Variants in LOC128092252 observed in about 807,000 individuals in gnomAD.
the LOC128092252 span, among the ~76,000 whole-genome samples, chr15:50,672,666 T>C: frequency 6.6e-6 from 1 of 151,790 alleles, no homozygotes; most frequent in African/African-American, 2.4e-5. Flanking sequence ...CCCCAGCACT[T>C]TGGGAGGCTG....
the LOC128092252 span, among the ~76,000 whole-genome samples, chr15:50,651,916 A>C: frequency 6.6e-6 from 1 of 151,932 alleles, no homozygotes. Flanking sequence ...AATAAATAAA[A>C]TAATAATTTT....
the LOC128092252 span, among the ~76,000 whole-genome samples, chr15:50,659,831 C>T: frequency 6.6e-6 from 1 of 152,074 alleles, no homozygotes; most frequent in Admixed American, 6.6e-5. Flanking sequence ...CCACGCCCAG[C>T]TAGTTTTTAT....
the LOC128092252 span, among the ~76,000 whole-genome samples, chr15:50,663,810 A>C: frequency 6.6e-6 from 1 of 152,082 alleles, no homozygotes; most frequent in South Asian, 2.1e-4. Context: ...CAAAAGCTAA[A>C]AAATTAGCCA....
the LOC128092252 span, among the ~76,000 whole-genome samples, chr15:50,673,347 T>G: frequency 6.6e-6 from 1 of 152,164 alleles, no homozygotes; most frequent in East Asian, 1.9e-4. Context: ...TGGTGACTTG[T>G]GAGATTTTGG....
the LOC128092252 span, among the ~76,000 whole-genome samples, chr15:50,678,318 G>A: frequency 6.7e-6 from 1 of 149,340 alleles, no homozygotes; most frequent in South Asian, 2.1e-4. Flanking sequence ...TGATAAATTT[G>A]TACATGGGTC....
At chr15:50,659,188 G>A in the LOC128092252 span, among the ~76,000 whole-genome samples, 15 of 141,752 alleles carry the variant, frequency 1.1e-4, no homozygotes, top group East Asian at 1.2e-3. Flanking sequence ...GCGAGACTCC[G>A]TCTCAAAAAA....
the LOC128092252 span, among the ~76,000 whole-genome samples, chr15:50,672,155 G>A: frequency 0.03 from 4,549 of 152,082 alleles, 247 homozygotes; most frequent in African/African-American, 0.1. Flanking sequence ...CCGGGTTCAC[G>A]CCATTCTCCT....
the LOC128092252 span, among the ~76,000 whole-genome samples, chr15:50,666,895 G>A: frequency 1.3e-5 from 2 of 152,114 alleles, no homozygotes; most frequent in Admixed American, 6.6e-5. Context: ...GAAAATAACA[G>A]GCTGTTCTGC....
the LOC128092252 span, among the ~76,000 whole-genome samples, chr15:50,651,317 A>C: frequency 1.7e-4 from 26 of 152,378 alleles, no homozygotes; most frequent in African/African-American, 6.3e-4. Flanking sequence ...AAAATGACAC[A>C]AAAACAAGTA....
the LOC128092252 span, among the ~76,000 whole-genome samples, chr15:50,661,917 C>T: frequency 1.3e-5 from 2 of 152,094 alleles, no homozygotes; most frequent in African/African-American, 4.8e-5. Flanking sequence ...ATCTTTAGGC[C>T]TCAGAAAAAA....
At chr15:50,677,909 T>G in the LOC128092252 span, among the ~76,000 whole-genome samples, 1 of 151,612 alleles carries the variant, frequency 6.6e-6, no homozygotes. Context: ...CTAATAAAGT[T>G]CATGTGCTCA....
the LOC128092252 span, among the ~76,000 whole-genome samples, chr15:50,675,071 G>A: frequency 3.3e-5 from 5 of 152,150 alleles, no homozygotes; most frequent in East Asian, 1.9e-4. Context: ...GGCTGGGCAC[G>A]GTGGCTCATG....
At chr15:50,670,293 C>A in the LOC128092252 span, among the ~76,000 whole-genome samples, 2 of 152,018 alleles carry the variant, frequency 1.3e-5, no homozygotes, top group African/African-American at 2.4e-5. Flanking sequence ...TGAATAGGGG[C>A]TGAGTAAAAT....
At chr15:50,682,251 A>G in the LOC128092252 span, among the ~76,000 whole-genome samples, 1 of 151,170 alleles carries the variant, frequency 6.6e-6, no homozygotes, top group Admixed American at 6.6e-5. Context: ...ACTTCAAAAA[A>G]CTGCTTACCT....
chr15:50,671,918 A>G, the LOC128092252 span, among the ~76,000 whole-genome samples: 18 of 152,324 alleles, frequency 1.2e-4, no homozygotes, highest in East Asian at 3.5e-3. Context: ...ACTGCCAGTT[A>G]CATAGAAGTA....
the LOC128092252 span, chr15:50,657,861 A>AACTTTCTG: frequency 6.5e-7 from 1 of 1,546,842 alleles, no homozygotes; most frequent in Non-Finnish European, 8.9e-7. Flanking sequence ...TCAGGTGAAA[A>AACTTTCTG]ACTTTCTGAT....
chr15:50,686,383 C>A, the LOC128092252 span: 50 of 1,357,634 alleles, frequency 3.7e-5, no homozygotes, highest in Non-Finnish European at 5.0e-5. Flanking sequence ...ACACCCGTCC[C>A]GAGAGGACAA....
the LOC128092252 span, among the ~76,000 whole-genome samples, chr15:50,655,491 G>A: frequency 4.0e-4 from 59 of 148,840 alleles, 1 homozygote; most frequent in South Asian, 0.012. Context: ...AAATTTGAAC[G>A]TGCAAATATT....
the LOC128092252 span, among the ~76,000 whole-genome samples, chr15:50,654,488 A>G: frequency 2.0e-5 from 3 of 151,242 alleles, no homozygotes; most frequent in Non-Finnish European, 4.4e-5. Context: ...AAGATGAAGG[A>G]AAAAAAGCAG....
Sources: gnomAD v4.1 joint callset for allele counts (sites outside exome capture counted in the v4.1 genomes callset) on GRCh38, gnomAD v4.1.1 for gene constraint, MANE v1.5 for transcripts.